Variants in CNTNAP5 observed in about 807,000 individuals in gnomAD.
CNTNAP5 encodes the protein contactin associated protein family member 5, also known as contactin-associated protein-like 5.
CNTNAP5 carries 72 observed loss-of-function variants against 150.2 expected under a neutral mutation model. That is an observed-to-expected ratio of 0.48 (90% CI 0.40 to 0.58). The LOEUF (loss-of-function observed/expected upper bound fraction) is 0.58. CNTNAP5 is among the 20% of genes least tolerant of loss of function. CNTNAP5 has a pLI of 0.00. For missense variants in CNTNAP5, 1,636 were observed against 1,626.2 expected, an observed-to-expected ratio of 1.01 and a Z score of -0.10; for synonymous variants, 672 against 619.8, an observed-to-expected ratio of 1.08 and a Z score of -1.25.
intron 9 of CNTNAP5, among the ~76,000 whole-genome samples, chr2:124,525,922 A>G (rs76253916): frequency 6.6e-6 from 1 of 152,234 alleles, no homozygotes; most frequent in African/African-American, 2.4e-5. Flanking sequence ...ACAGCCCACC[A>G]GTGAAAACAG....
chr2:124,433,384 A>G (rs1368965479), intron 4 of CNTNAP5, among the ~76,000 whole-genome samples: 1 of 152,388 alleles, frequency 6.6e-6, no homozygotes, highest in Admixed American at 6.5e-5. Context: ...AAAACTAATT[A>G]CAGAAAAGTA....
intron 1 of CNTNAP5, among the ~76,000 whole-genome samples, chr2:124,034,822 T>C (rs558726540): frequency 2.6e-5 from 4 of 152,344 alleles, no homozygotes; most frequent in African/African-American, 9.6e-5. Flanking sequence ...TTCAGGCAGA[T>C]GGACCTAGAA....
chr2:124,620,519 G>A (rs2104996145), intron 12 of CNTNAP5, among the ~76,000 whole-genome samples: 1 of 152,120 alleles, frequency 6.6e-6, no homozygotes, highest in South Asian at 2.1e-4. Context: ...AATATGATTT[G>A]GAGTCACACT....
At chr2:124,175,415 C>T (rs1685039710) in intron 1 of CNTNAP5, among the ~76,000 whole-genome samples, 1 of 151,810 alleles carries the variant, frequency 6.6e-6, no homozygotes, top group Non-Finnish European at 1.5e-5. Flanking sequence ...CAAATAATAT[C>T]CGTATATTCT....
chr2:124,774,844 G>T (rs1238526229), intron 17 of CNTNAP5, among the ~76,000 whole-genome samples: 1 of 152,178 alleles, frequency 6.6e-6, no homozygotes, highest in Admixed American at 6.6e-5. Flanking sequence ...GGCTGGATAT[G>T]TGATAAAGTT....
chr2:124,721,281 C>G (rs1573572721), intron 13 of CNTNAP5, among the ~76,000 whole-genome samples: 1 of 152,018 alleles, frequency 6.6e-6, no homozygotes, highest in African/African-American at 2.4e-5. Flanking sequence ...GAGTTTGTAA[C>G]CAGCCTGACC....
intron 13 of CNTNAP5, among the ~76,000 whole-genome samples, chr2:124,677,615 A>ACCTGGAAGGCGGAGGTTGTAG (rs1558731979): frequency 1.3e-5 from 2 of 152,018 alleles, no homozygotes; most frequent in Admixed American, 6.6e-5. Flanking sequence ...TGACTGGTGC[A>ACCTGGAAGGCGGAGGTTGTAG]TTTACAATCC....
intron 14 of CNTNAP5, among the ~76,000 whole-genome samples, chr2:124,762,035 A>G (rs1002978675): frequency 6.6e-6 from 1 of 152,036 alleles, no homozygotes; most frequent in Non-Finnish European, 1.5e-5. Flanking sequence ...TCAGGAGAGG[A>G]TATGGGTTTG....
At chr2:124,530,268 C>T (rs985666049) in intron 10 of CNTNAP5, among the ~76,000 whole-genome samples, 6 of 152,158 alleles carry the variant, frequency 3.9e-5, no homozygotes, top group Admixed American at 1.3e-4. Context: ...CGAGATGGCA[C>T]CTCTACACTC....
At chr2:124,658,261 T>G (rs1288291397) in intron 13 of CNTNAP5, among the ~76,000 whole-genome samples, 1 of 152,144 alleles carries the variant, frequency 6.6e-6, no homozygotes, top group Non-Finnish European at 1.5e-5. Context: ...GCCCTCTGAC[T>G]CCCAGCTTTG....
At chr2:124,808,488 T>A (rs1682129595) in intron 19 of CNTNAP5, among the ~76,000 whole-genome samples, 1 of 150,872 alleles carries the variant, frequency 6.6e-6, no homozygotes, top group Admixed American at 6.6e-5. Flanking sequence ...CTCAGAAGGC[T>A]GAGGCAGAGT....
intron 13 of CNTNAP5, among the ~76,000 whole-genome samples, chr2:124,740,553 G>C (rs1023047327): frequency 2.0e-5 from 3 of 152,122 alleles, no homozygotes; most frequent in Admixed American, 2.0e-4. Context: ...AGGGCAGATG[G>C]GAAAGACACT....
At chr2:124,771,034 G>A (rs867974946) in intron 16 of CNTNAP5, among the ~76,000 whole-genome samples, 4 of 152,022 alleles carry the variant, frequency 2.6e-5, no homozygotes, top group East Asian at 1.9e-4. Context: ...GCCAGGGCTC[G>A]GTAGAAAGCA....
At chr2:124,530,224 C>T (rs1015254343) in intron 10 of CNTNAP5, among the ~76,000 whole-genome samples, 2 of 152,112 alleles carry the variant, frequency 1.3e-5, no homozygotes, top group Non-Finnish European at 2.9e-5. Context: ...ACAGAAGAAT[C>T]CCTTGAACCC....
intron 11 of CNTNAP5, among the ~76,000 whole-genome samples, chr2:124,571,584 G>A (rs1437188539): frequency 1.3e-5 from 1 of 76,066 alleles, no homozygotes; most frequent in African/African-American, 5.8e-5. Context: ...ACAGGCTAGA[G>A]TGCAGTGGTG....
At chr2:124,853,634 T>G (rs1016473563) in intron 19 of CNTNAP5, among the ~76,000 whole-genome samples, 2 of 152,220 alleles carry the variant, frequency 1.3e-5, no homozygotes, top group African/African-American at 4.8e-5. Flanking sequence ...AGACAAACTC[T>G]TTCTAATTAC....
chr2:124,808,433 CA>C (rs948885846), intron 19 of CNTNAP5, among the ~76,000 whole-genome samples: 1 of 151,762 alleles, frequency 6.6e-6, no homozygotes, highest in African/African-American at 2.4e-5. Context: ...ACTAAAAATA[CA>C]AGAATTTGTC....
chr2:124,853,664 C>T (rs554049097), intron 19 of CNTNAP5, among the ~76,000 whole-genome samples: 1 of 152,094 alleles, frequency 6.6e-6, no homozygotes, highest in Non-Finnish European at 1.5e-5. Flanking sequence ...TTTTTTTTAA[C>T]TTTTATTTTA....
chr2:124,036,951 C>T (rs1681238537), intron 1 of CNTNAP5, among the ~76,000 whole-genome samples: 3 of 152,158 alleles, frequency 2.0e-5, no homozygotes, highest in African/African-American at 7.2e-5. Context: ...AAAGACTTAG[C>T]TATTGTTAAA....
Sources: allele counts gnomAD v4.1 joint callset (sites outside exome capture counted in the v4.1 genomes callset), GRCh38; gene constraint gnomAD v4.1.1; transcripts MANE v1.5; gene names NCBI Gene and HGNC (gene_info 2026-07-23, HGNC 2026-07-21).